MYO18B: variants seen among roughly 807,000 people sequenced by gnomAD.
The protein encoded by MYO18B is unconventional myosin-XVIIIb.
MYO18B carries 204 observed loss-of-function variants against 273.0 expected under a neutral mutation model. That is an observed-to-expected ratio of 0.75 (90% CI 0.67 to 0.84). The LOEUF (loss-of-function observed/expected upper bound fraction) is 0.84, where lower values mean the gene tolerates loss of function less well. Among genes scored for constraint, MYO18B ranks in the 40% least tolerant of loss-of-function variants. The pLI, the probability that MYO18B is intolerant of heterozygous loss-of-function variation, is 0.00. For missense variants in MYO18B, 3,212 were observed against 3,287.6 expected, an observed-to-expected ratio of 0.98 and a Z score of 0.56; for synonymous variants, 1,330 against 1,305.7, an observed-to-expected ratio of 1.02 and a Z score of -0.40.
At chr22:25,746,932 T>G (rs2085796375) in intron 1 of MYO18B, among the ~76,000 whole-genome samples, 1 of 152,072 alleles carries the variant, frequency 6.6e-6, no homozygotes, top group Admixed American at 6.5e-5. Flanking sequence ...CCATCCTGGC[T>G]AACACGGTGA....
chr22:25,975,697 C>G (rs1431176609), intron 39 of MYO18B, among the ~76,000 whole-genome samples: 2 of 152,206 alleles, frequency 1.3e-5, no homozygotes, highest in Admixed American at 1.3e-4. Context: ...TCCAATATCA[C>G]CTGTACACAG....
In MYO18B at chr22:26,026,485, G is replaced by A; in HGVS notation, c.6511G>A (p.Ala2171Thr). The change falls in exon 43 of 44, where the codon GCA becomes ACA. Residue 2171 changes from alanine to threonine, a missense_variant. Coordinates refer to ENST00000335473, the MANE Select transcript of MYO18B (RefSeq NM_032608.7). Reference protein sequence around the residue: ...EAGDTERTQSALALSRARSTN... With the variant: ...EAGDTERTQSTLALSRARSTN... ...TGGGGACACTGAGAGGACCCAGTCG[G>A]CATTGGCACTGAGCAGAGCCCGGTC... The A allele has an allele frequency of 1.2e-6, 2 of 1,613,840 alleles. No homozygotes were observed. The highest frequency in any genetic ancestry group is 1.7e-6 in the Non-Finnish European group (2 of 1,179,826).
At position 25,768,466 on chromosome 22, in the gene MYO18B, G is replaced by T. The variant is rs758607289; in HGVS notation, c.550G>T (p.Ala184Ser). 23 of 1,606,010 alleles carry T rather than the reference G, an allele frequency of 1.4e-5. No individual in the cohort carries two copies. Among genetic ancestry groups the T allele is most frequent in the Non-Finnish European group, 2.0e-5 (23 of 1,176,380 alleles). The change falls in exon 4 of 44, where the codon GCC (alanine) becomes TCC (serine). Residue 184 changes from alanine to serine, a missense_variant. Physicochemically the swap from Ala to Ser is moderately conservative, Grantham distance 99. Coordinates refer to ENST00000335473, the MANE Select transcript of MYO18B (RefSeq NM_032608.7). The part of the protein sequence containing the change: ...DAPPCKTSPP[A>S]TDTGKEKKGE... ...CCCCCCTTGCAAGACCTCTCCCCCCGCCACAGATACTGGAAAGGAAAAGAA... is the reference window on the plus strand; with the variant it reads ...CCCCCCTTGCAAGACCTCTCCCCCCTCCACAGATACTGGAAAGGAAAAGAA...
intron 28 of MYO18B, chr22:25,897,881 C>G (rs574905475): frequency 6.2e-6 from 1 of 161,368 alleles, no homozygotes; most frequent in Non-Finnish European, 1.4e-5. Context: ...AGGCTTGTCA[C>G]TTGGGATTCC....
At chr22:25,764,957 G>A (rs1451776047) in intron 3 of MYO18B, among the ~76,000 whole-genome samples, 1 of 152,184 alleles carries the variant, frequency 6.6e-6, no homozygotes, top group Non-Finnish European at 1.5e-5. Context: ...GAGCCTGTGT[G>A]TTCTCTGCTC....
At chr22:26,032,176 A>C (rs1228803076), downstream of MYO18B, among the ~76,000 whole-genome samples, 1 of 152,222 alleles carries the variant, frequency 6.6e-6, no homozygotes, top group Non-Finnish European at 1.5e-5. Flanking sequence ...ACAGTTACTA[A>C]ACTCTAATAA....
At chr22:25,809,143 A>G (rs2088618791) in intron 12 of MYO18B, among the ~76,000 whole-genome samples, 1 of 151,984 alleles carries the variant, frequency 6.6e-6, no homozygotes, top group Admixed American at 6.6e-5. Context: ...GGGTTTCACC[A>G]TCTCTTGGCC....
intron 36 of MYO18B, among the ~76,000 whole-genome samples, chr22:25,948,441 TCC>T (rs2146604774): frequency 8.2e-6 from 1 of 121,568 alleles, no homozygotes; most frequent in South Asian, 2.8e-4. Flanking sequence ...CTTCCTTCCT[TCC>T]TTCCTTCCTT....
chr22:25,772,466 A>G lies in MYO18B; in HGVS notation c.1825A>G (p.Ile609Val), dbSNP rs1333194867. The G allele has an allele frequency of 1.2e-6, 2 of 1,613,764 alleles. No homozygotes were observed. The highest frequency in any genetic ancestry group is 2.7e-5 in the African/African-American group (2 of 74,878). Reference protein sequence around the residue: ...LLHTCTGPDLIVLQPRGPSVP... With the variant: ...LLHTCTGPDLVVLQPRGPSVP... ...GCACACCTGCACAGGGCCTGATCTG[A>G]TTGTCCTCCAGCCCCGGGGGCCCTC... Residue 609 changes from isoleucine (I) to valine (V), a missense_variant, in exon 7 of 44, where the codon ATT becomes GTT. Coordinates refer to ENST00000335473, the MANE Select transcript of MYO18B (RefSeq NM_032608.7).
At chr22:25,811,251 G>C (rs1187677123) in intron 12 of MYO18B, among the ~76,000 whole-genome samples, 1 of 150,678 alleles carries the variant, frequency 6.6e-6, no homozygotes, top group Non-Finnish European at 1.5e-5. Context: ...TTGAACTCCT[G>C]ACCTCAGGTA....
At chr22:25,951,329 T>G (rs926546490) in intron 37 of MYO18B, among the ~76,000 whole-genome samples, 1 of 152,364 alleles carries the variant, frequency 6.6e-6, no homozygotes, top group Non-Finnish European at 1.5e-5. Context: ...TTCATTCTTT[T>G]ATTCATCAGT....
intron 37 of MYO18B, among the ~76,000 whole-genome samples, chr22:25,951,463 G>A (rs995545177): frequency 3.3e-5 from 5 of 152,110 alleles, no homozygotes; most frequent in African/African-American, 1.2e-4. Flanking sequence ...GAATCCAAGC[G>A]TGCCCCATGC....
At chr22:25,876,009 T>TGTGTGTG (rs909730519) in intron 23 of MYO18B, among the ~76,000 whole-genome samples, 180 bp from the exon 24 acceptor site, 2 of 112,176 alleles carry the variant, frequency 1.8e-5, no homozygotes, top group African/African-American at 7.9e-5. Flanking sequence ...AGCCCGTGTG[T>TGTGTGTG]GTGTGTGTGT....
intron 41 of MYO18B, 111 bp downstream of exon 41, chr22:26,003,420 C>G: frequency 3.3e-6 from 3 of 905,908 alleles, no homozygotes; most frequent in Non-Finnish European, 3.6e-6. Flanking sequence ...ATCAGTGATG[C>G]CCATGAGACT....
chr22:26,062,611 A>T, the MYO18B span, among the ~76,000 whole-genome samples: 17 of 152,102 alleles, frequency 1.1e-4, no homozygotes, highest in African/African-American at 3.9e-4. Flanking sequence ...TTTTTATTTT[A>T]CTATTATTAA....
intron 11 of MYO18B, 117 bp from the exon 12 acceptor site, chr22:25,797,836 T>C (rs1012253135): frequency 4.3e-6 from 6 of 1,409,384 alleles, no homozygotes; most frequent in Middle Eastern, 1.8e-4. Flanking sequence ...GGGTAATTTA[T>C]TGTGGCAATA....
At chr22:25,993,173 C>T (rs9608444) in intron 40 of MYO18B, among the ~76,000 whole-genome samples, 17,846 of 152,000 alleles carry the variant, frequency 0.12, 1,135 homozygotes, top group Middle Eastern at 0.15. Context: ...ACAGGTGGAC[C>T]GCTCAGCTGG....
At chr22:25,796,127 C>T (rs1299634642) in intron 11 of MYO18B, among the ~76,000 whole-genome samples, 2 of 152,168 alleles carry the variant, frequency 1.3e-5, no homozygotes, top group Non-Finnish European at 2.9e-5. Context: ...TTCCTTTCCA[C>T]CCAGCAGGCT....
At chr22:25,813,333 A>G (rs765913020) in intron 12 of MYO18B, among the ~76,000 whole-genome samples, 1 of 151,738 alleles carries the variant, frequency 6.6e-6, no homozygotes, top group Non-Finnish European at 1.5e-5. Flanking sequence ...TACAGGCATG[A>G]GCCACCGCAC....
Sources: gnomAD v4.1 joint callset for allele counts (sites outside exome capture counted in the v4.1 genomes callset) on GRCh38, gnomAD v4.1.1 for gene constraint, MANE v1.5 for transcripts, NCBI Gene and HGNC (gene_info 2026-07-23, HGNC 2026-07-21) for gene names.